Variants in HAUS3 observed in about 807,000 individuals in gnomAD.
HAUS3 encodes HAUS augmin like complex subunit 3.
A neutral mutation model predicts 55.2 loss-of-function variants in HAUS3; 36 were observed. The observed-to-expected ratio is 0.65, with a 90% CI of 0.50 to 0.86. HAUS3 has a LOEUF of 0.86. HAUS3 is among the 40% of genes least tolerant of loss of function. The pLI, the probability that HAUS3 is intolerant of heterozygous loss-of-function variation, is 0.00. For synonymous variants in HAUS3, 234 were observed against 238.6 expected (o/e 0.98, Z 0.18); for missense variants, 752 against 671.5 (o/e 1.12, Z -1.33).
rs940366506 is a variant in HAUS3, at chr4:2,229,295, T to C, written c.*2632A>G. On this transcript the variant is annotated 3_prime_UTR_variant, in exon 6 of 6. Coordinates refer to ENST00000443786, the MANE Select transcript of HAUS3 (RefSeq NM_001303143.2). Reference sequence around the variant, plus strand: ...ATCCCATATATTAATCCTAAGACTATAAAACAGGAAATACAATTATTTTCA... The same window carrying C: ...ATCCCATATATTAATCCTAAGACTACAAAACAGGAAATACAATTATTTTCA... The C allele has an allele frequency of 7.3e-7, 1 of 1,370,526 alleles. No individual in the cohort carries two copies. Among genetic ancestry groups the C allele is most frequent in the Non-Finnish European group, 9.8e-7 (1 of 1,015,278 alleles). The allele number at this position is 1,370,526 out of a possible 1,614,324, so 84.9% of individuals were successfully genotyped here.
At chr4:2,232,794 GATT>G (rs1246196929) in intron 5 of HAUS3, among the ~76,000 whole-genome samples, 3 of 152,064 alleles carry the variant, frequency 2.0e-5, no homozygotes, top group African/African-American at 7.2e-5. Context: ...ATTTAAACCA[GATT>G]ATTAACAAGT....
At chr4:2,237,501 G>A (rs1380811456) in intron 4 of HAUS3, among the ~76,000 whole-genome samples, 1 of 151,826 alleles carries the variant, frequency 6.6e-6, no homozygotes, top group East Asian at 1.9e-4. Flanking sequence ...GGAGAGGAAG[G>A]AAGGGAAAGG....
intron 3 of HAUS3, among the ~76,000 whole-genome samples, chr4:2,239,350 A>C (rs995067059): frequency 1.3e-5 from 2 of 152,188 alleles, no homozygotes; most frequent in African/African-American, 2.4e-5. Context: ...GAATCCAAGT[A>C]TATGTTACTA....
In HAUS3 at chr4:2,229,356, T is replaced by TTTAAA; in HGVS notation, c.*2570_*2571insTTTAA. The TTTAAA allele has an allele frequency of 1.1e-6, 1 of 897,464 alleles. No homozygotes were observed. The highest frequency in any genetic ancestry group is 1.6e-6 in the Non-Finnish European group (1 of 629,608). The allele number at this position is 897,464 out of a possible 1,614,324, so 55.6% of individuals were successfully genotyped here. The stretch of plus-strand genomic sequence containing the variant: ...TACCAACTTTCATTTAAAATGTCTA[T>TTTAAA]ATTCATAACCACAGAAAATAGGCAT... On this transcript the variant is annotated 3_prime_UTR_variant, in exon 6 of 6. Transcript: ENST00000443786.
Position 2,242,070 on chromosome 4 carries a change from T to C in HAUS3, c.-438A>G. 1.0e-6 allele frequency: 1 copy of C among 985,760 alleles called. No homozygotes were observed. Among genetic ancestry groups the C allele is most frequent in the Non-Finnish European group, 1.2e-6 (1 of 830,168 alleles). 61.1% of individuals were successfully genotyped at this position (985,760 alleles called of 1,614,324 possible). On this transcript the variant is annotated 5_prime_UTR_variant, in exon 1 of 6. Coordinates refer to ENST00000443786, the MANE Select transcript of HAUS3 (RefSeq NM_001303143.2). The stretch of plus-strand genomic sequence containing the variant: ...AGTCACCTCAGGAAGTTCCGCTTGC[T>C]TCTCGCAGGAGCCCGCCGCCACCGC...
chr4:2,233,260 T>C (rs1424101207), intron 5 of HAUS3, among the ~76,000 whole-genome samples: 1 of 152,182 alleles, frequency 6.6e-6, no homozygotes, highest in Non-Finnish European at 1.5e-5. Flanking sequence ...ATACTAAAGA[T>C]CATACAGTTG....
At chr4:2,236,083 C>G in intron 5 of HAUS3, 145 bp downstream of exon 5, 1 of 545,872 alleles carries the variant, frequency 1.8e-6, no homozygotes, top group East Asian at 2.9e-5. Flanking sequence ...TATATGTGAA[C>G]AAAAATTAGG....
rs1735009301 is a variant in HAUS3, at chr4:2,242,035, G to A, written c.-419+16C>T. On this transcript the variant is annotated intron_variant, in intron 1 of 5. Coordinates refer to ENST00000443786, the MANE Select transcript of HAUS3 (RefSeq NM_001303143.2). ...CCCACACCCCTGCGCCCAGAACCGA[G>A]GCCCGCGTCAGTCACCTCAGGAAGT... The A allele has an allele frequency of 1.0e-6, 1 of 985,506 alleles. No individual in the cohort carries two copies. The highest frequency in any genetic ancestry group is 1.2e-6 in the Non-Finnish European group (1 of 830,060). 61.0% of individuals were successfully genotyped at this position (985,506 alleles called of 1,614,324 possible).
At chr4:2,241,437 G>A in intron 2 of HAUS3, 83 bp downstream of exon 2, 2 of 929,590 alleles carry the variant, frequency 2.2e-6, no homozygotes, top group Non-Finnish European at 2.6e-6. Flanking sequence ...CAGGAGGCTA[G>A]GCAGCCTCTC....
At position 2,240,464 on chromosome 4, in the gene HAUS3, C is replaced by T. The variant is rs1396293662; in HGVS notation, c.483G>A (p.Lys161=). 1 of 1,613,762 alleles carries T rather than the reference C, an allele frequency of 6.2e-7. No homozygotes were observed. The highest frequency in any genetic ancestry group is 8.5e-7 in the Non-Finnish European group (1 of 1,179,950). ...TAAGAGCCTGAAGTTCATTACTGAT[C>T]TTAGTGATCATTGCATTTAGAATTC... ...SQGILNAMIT[K]ISNELQALTD... The change falls in exon 3 of 6, where the codon AAG becomes AAA. Residue 161 remains lysine (K), a synonymous_variant. Transcript: ENST00000443786.
chr4:2,229,133 TA>T lies in HAUS3; in HGVS notation c.*2793del. On this transcript the variant is annotated 3_prime_UTR_variant, in exon 6 of 6. Coordinates refer to ENST00000443786, the MANE Select transcript of HAUS3 (RefSeq NM_001303143.2). ...TCTTTCCCCAAGTCTTAGAATCCAC[TA>T]AATCACCTGAATGCATAGCAGACAT... The T allele has an allele frequency of 6.2e-7, 1 of 1,610,900 alleles. No individual in the cohort carries two copies. The highest frequency in any genetic ancestry group is 8.5e-7 in the Non-Finnish European group (1 of 1,177,264).
chr4:2,232,299 T>A lies in HAUS3; in HGVS notation c.1579-139A>T, dbSNP rs1010078451. ...TTTTAGCAATAAATAAACCTCGATTTAAAATCCATAACAGGTTTAATATAA... is the reference window on the plus strand; with the variant it reads ...TTTTAGCAATAAATAAACCTCGATTAAAAATCCATAACAGGTTTAATATAA... On this transcript the variant is annotated intron_variant, in intron 5 of 5. Coordinates refer to ENST00000443786, the MANE Select transcript of HAUS3 (RefSeq NM_001303143.2). The A allele has an allele frequency of 1.2e-5, 6 of 484,468 alleles. No individual in the cohort carries two copies. The Admixed American group carries it at 2.4e-4, about 20-fold the overall frequency. 30.0% of individuals were successfully genotyped at this position (484,468 alleles called of 1,614,324 possible). A position where few individuals can be genotyped will look rare whatever the true frequency, so the allele number is the denominator to read the frequency against.
chr4:2,232,983 C>G (rs1301115553), intron 5 of HAUS3, among the ~76,000 whole-genome samples: 1 of 152,120 alleles, frequency 6.6e-6, no homozygotes, highest in African/African-American at 2.4e-5. Flanking sequence ...CCTGTACCCC[C>G]CCACTAGACT....
At chr4:2,241,843 G>A (rs903477631) in intron 1 of HAUS3, 53 bp from the exon 2 acceptor site, 3 of 985,522 alleles carry the variant, frequency 3.0e-6, no homozygotes, top group Non-Finnish European at 2.4e-6. Context: ...CCGAGCTGCA[G>A]AAGACGGGGG....
chr4:2,238,979 T>C lies in HAUS3; in HGVS notation c.974A>G (p.Glu325Gly), dbSNP rs763632403. The C allele has an allele frequency of 6.3e-7, 1 of 1,585,250 alleles. No individual in the cohort carries two copies. Among genetic ancestry groups the C allele is most frequent in the Non-Finnish European group, 8.5e-7 (1 of 1,170,200 alleles). Residue 325 changes from glutamate to glycine, a missense_variant, in exon 4 of 6, where the codon GAA becomes GGA. Transcript: ENST00000443786. ...GTCTTTTATTTGAGTGACCTCTTTT[T>C]CAAGTTTCATAATCTCACTGGTCAA... ...SSLTSEIMKLEKEVTQIKDRS... is the reference protein window; with the variant it reads ...SSLTSEIMKLGKEVTQIKDRS...
At chr4:2,234,870 T>C (rs746285701) in intron 5 of HAUS3, among the ~76,000 whole-genome samples, 1 of 152,142 alleles carries the variant, frequency 6.6e-6, no homozygotes, top group Non-Finnish European at 1.5e-5. Flanking sequence ...AAAAAAATGA[T>C]ATACAACTAC....
chr4:2,239,161 A>C (rs1391885643), intron 3 of HAUS3, 118 bp from the exon 4 acceptor site: 1 of 536,614 alleles, frequency 1.9e-6, no homozygotes, highest in African/African-American at 1.9e-5. Flanking sequence ...ATGAAAACTA[A>C]TTTAATATTC....
At chr4:2,236,496 A>G (rs1274134689) in intron 4 of HAUS3, 40 bp from the exon 5 acceptor site, 6 of 1,385,050 alleles carry the variant, frequency 4.3e-6, no homozygotes, top group Non-Finnish European at 6.1e-6. Context: ...AAAATTATCA[A>G]GTCAGTATCA....
At chr4:2,241,434 C>A (rs1430583318) in intron 2 of HAUS3, 86 bp downstream of exon 2, 3 of 925,570 alleles carry the variant, frequency 3.2e-6, no homozygotes, top group African/African-American at 3.6e-5. Flanking sequence ...CACCAGGAGG[C>A]TAGGCAGCCT....
Sources: allele counts gnomAD v4.1 joint callset (sites outside exome capture counted in the v4.1 genomes callset), GRCh38; gene constraint gnomAD v4.1.1; transcripts MANE v1.5; gene names NCBI Gene and HGNC (gene_info 2026-07-23, HGNC 2026-07-21).